Variants in SLC30A9 observed in about 807,000 individuals in gnomAD.
The protein encoded by SLC30A9 is solute carrier family 30 member 9.
SLC30A9 carries 58 observed loss-of-function variants against 87.5 expected under a neutral mutation model. That is an observed-to-expected ratio of 0.66 (90% CI 0.54 to 0.82). The LOEUF is 0.82. SLC30A9 is among the 40% of genes least tolerant of loss of function. The probability of loss-of-function intolerance (pLI) is 0.00; values close to 1 mark genes in which losing one functional copy is unlikely to be tolerated. For missense variants in SLC30A9, 557 were observed against 679.1 expected (o/e 0.82, Z 2.00); for synonymous variants, 234 against 233.0 (o/e 1.00, Z -0.04).
At chr4:41,991,799 G>T (rs796941509) in intron 1 of SLC30A9, among the ~76,000 whole-genome samples, 9 of 152,294 alleles carry the variant, frequency 5.9e-5, no homozygotes, top group African/African-American at 2.2e-4. Flanking sequence ...CCTCCTGAAA[G>T]AAGTCGGAAG....
intron 17 of SLC30A9, among the ~76,000 whole-genome samples, chr4:42,079,189 A>C (rs535733611): frequency 1.3e-5 from 2 of 152,228 alleles, no homozygotes; most frequent in Admixed American, 1.3e-4. Flanking sequence ...GATTTTATTT[A>C]TTTGAGTTAT....
At chr4:42,073,407 A>G (rs1293981748) in intron 15 of SLC30A9, among the ~76,000 whole-genome samples, 1 of 152,236 alleles carries the variant, frequency 6.6e-6, no homozygotes, top group African/African-American at 2.4e-5. Context: ...ATTATTGGAA[A>G]AAATACGTTA....
chr4:42,055,246 T>C (rs1717555605), intron 9 of SLC30A9, among the ~76,000 whole-genome samples: 1 of 152,208 alleles, frequency 6.6e-6, no homozygotes, highest in South Asian at 2.1e-4. Context: ...GTTGTTTCTT[T>C]CGAGACCTAT....
In SLC30A9 at chr4:42,086,989, A is replaced by G. The variant is rs1363673035; in HGVS notation, c.*863A>G. 1.3e-5 allele frequency: 2 copies of G among 152,214 alleles called. No homozygotes were observed. Among genetic ancestry groups the G allele is most frequent in the Non-Finnish European group, 2.9e-5 (2 of 68,038 alleles). The allele number at this position is 152,214 out of a possible 1,614,324, so 9.4% of individuals were successfully genotyped here. ...TCTGTAAAGTGGGTTAGAAATATTT[A>G]TAATTTTACAGGCAGGACAGCATTT... On this transcript the variant is annotated 3_prime_UTR_variant, in exon 18 of 18. Coordinates refer to ENST00000264451, the MANE Select transcript of SLC30A9 (RefSeq NM_006345.4).
At chr4:42,021,077 A>AT (rs757148252) in intron 4 of SLC30A9, among the ~76,000 whole-genome samples, 1 of 152,196 alleles carries the variant, frequency 6.6e-6, no homozygotes, top group Non-Finnish European at 1.5e-5. Flanking sequence ...GAGAAATCAG[A>AT]TGATCTATCT....
chr4:42,028,321 A>G (rs953400062), intron 6 of SLC30A9, among the ~76,000 whole-genome samples: 3 of 152,102 alleles, frequency 2.0e-5, no homozygotes, highest in African/African-American at 4.8e-5. Context: ...GGGTTTCACC[A>G]TGTTAGCCAG....
chr4:42,037,368 G>A (rs2153137255), intron 7 of SLC30A9, among the ~76,000 whole-genome samples: 1 of 146,826 alleles, frequency 6.8e-6, no homozygotes. Flanking sequence ...TTCTGGGTCT[G>A]CTCCTCTGGT....
intron 9 of SLC30A9, among the ~76,000 whole-genome samples, chr4:42,059,362 G>T (rs563374606): frequency 6.6e-6 from 1 of 152,030 alleles, no homozygotes; most frequent in South Asian, 2.1e-4. Context: ...GACTTACTAG[G>T]GACAAGCATA....
intron 8 of SLC30A9, among the ~76,000 whole-genome samples, chr4:42,047,830 A>T (rs906411668): frequency 2.6e-5 from 4 of 152,238 alleles, no homozygotes; most frequent in Non-Finnish European, 5.9e-5. Flanking sequence ...GCCAACCCAG[A>T]TGCCCATCAA....
At chr4:42,063,252 A>G (rs3804190) in intron 11 of SLC30A9, 131 bp downstream of exon 11, 515,477 of 676,472 alleles carry the variant, frequency 0.76, 204,461 homozygotes, top group East Asian at 0.97. Context: ...GTAGGGTTAT[A>G]TATCTATAGT....
At chr4:42,008,297 C>G (rs957529397) in intron 2 of SLC30A9, among the ~76,000 whole-genome samples, 1 of 152,130 alleles carries the variant, frequency 6.6e-6, no homozygotes, top group Admixed American at 6.5e-5. Context: ...AAGTAGCCAC[C>G]CAGTAAGTCT....
intron 6 of SLC30A9, chr4:42,029,874 A>G: frequency 2.8e-6 from 2 of 708,808 alleles, no homozygotes; most frequent in South Asian, 2.7e-5. Flanking sequence ...AGATGAAGAT[A>G]AGGATAAAAA....
At chr4:42,007,144 C>T (rs1577681015) in intron 2 of SLC30A9, among the ~76,000 whole-genome samples, 1 of 151,612 alleles carries the variant, frequency 6.6e-6, no homozygotes, top group Non-Finnish European at 1.5e-5. Flanking sequence ...AATAATAATG[C>T]TTTTTTTTAA....
chr4:42,023,222 A>G (rs1346729027), intron 5 of SLC30A9, 80 bp from the exon 6 acceptor site: 6 of 972,930 alleles, frequency 6.2e-6, no homozygotes, highest in East Asian at 4.8e-5. Flanking sequence ...TAAGATTCTC[A>G]TTAGAGAATT....
chr4:41,997,807 C>T (rs1241462457), intron 1 of SLC30A9, among the ~76,000 whole-genome samples: 7 of 152,106 alleles, frequency 4.6e-5, no homozygotes, highest in African/African-American at 7.2e-5. Flanking sequence ...CTCTTAGTAA[C>T]CTCTTTAACA....
At chr4:42,036,637 C>T (rs1043006688) in intron 7 of SLC30A9, among the ~76,000 whole-genome samples, 1 of 152,202 alleles carries the variant, frequency 6.6e-6, no homozygotes, top group African/African-American at 2.4e-5. Flanking sequence ...AGACATTGCA[C>T]CCATTTTGCA....
At chr4:42,005,824 C>T (rs1715177032) in intron 2 of SLC30A9, among the ~76,000 whole-genome samples, 1 of 152,168 alleles carries the variant, frequency 6.6e-6, no homozygotes, top group Non-Finnish European at 1.5e-5. Flanking sequence ...CATTAATTTA[C>T]TCAAGAAATA....
At position 42,000,612 on chromosome 4, in the gene SLC30A9, T is replaced by C. The variant is rs1196105757; in HGVS notation, c.110-1004T>C. On this transcript the variant is annotated intron_variant, in intron 1 of 17. Transcript: ENST00000264451. The stretch of plus-strand genomic sequence containing the variant: ...GAATACTTATGTTCCCTTATGTCCT[T>C]TGTGCTCTTCATATTATTTTCAACA... 2.6e-5 allele frequency among the ~76,000 whole-genome samples: 4 copies of C among 152,080 alleles called. No individual in the cohort carries two copies. The East Asian group carries it at 7.7e-4, about 29-fold the overall frequency.
At chr4:41,991,619 C>G (rs1714444458) in intron 1 of SLC30A9, among the ~76,000 whole-genome samples, 1 of 152,080 alleles carries the variant, frequency 6.6e-6, no homozygotes, top group South Asian at 2.1e-4. Flanking sequence ...GAGTATTTAC[C>G]GAAACATTCA....
Sources: gnomAD v4.1 joint callset for allele counts (sites outside exome capture counted in the v4.1 genomes callset) on GRCh38, gnomAD v4.1.1 for gene constraint, MANE v1.5 for transcripts, NCBI Gene and HGNC (gene_info 2026-07-23, HGNC 2026-07-21) for gene names.